The following SCAPER variants were observed in gnomAD, a reference collection of about 807,000 sequenced individuals.
The protein encoded by SCAPER is S phase cyclin A-associated protein in the endoplasmic reticulum.
In SCAPER, 98 loss-of-function variants were observed where a neutral mutation model predicts 182.2. That is an observed-to-expected ratio of 0.54 (90% confidence interval 0.46 to 0.64). The LOEUF (loss-of-function observed/expected upper bound fraction) is 0.64. SCAPER is among the 30% of genes least tolerant of loss of function. SCAPER has a pLI of 0.00. For missense variants in SCAPER, 1,432 were observed against 1,690.0 expected (o/e 0.85, Z 2.68); for synonymous variants, 605 against 564.6 (o/e 1.07, Z -1.01).
intron 1 of SCAPER, among the ~76,000 whole-genome samples, chr15:76,884,422 G>A (rs1478327809): frequency 2.6e-5 from 4 of 152,152 alleles, no homozygotes; most frequent in South Asian, 2.1e-4. Context: ...ACAACAGCCC[G>A]TACCTTTCAG....
intron 24 of SCAPER, among the ~76,000 whole-genome samples, chr15:76,491,173 T>C (rs2052264747): frequency 6.6e-6 from 1 of 152,224 alleles, no homozygotes; most frequent in African/African-American, 2.4e-5. Context: ...CATTGCTCTA[T>C]ATGCCTGTCT....
At chr15:76,743,351 G>T (rs1237856576) in intron 15 of SCAPER, among the ~76,000 whole-genome samples, 1 of 152,118 alleles carries the variant, frequency 6.6e-6, no homozygotes, top group Non-Finnish European at 1.5e-5. Flanking sequence ...TTTTAAAACA[G>T]TATTTACATT....
intron 1 of SCAPER, among the ~76,000 whole-genome samples, chr15:76,899,659 C>T (rs2074645687): frequency 6.6e-6 from 1 of 152,028 alleles, no homozygotes; most frequent in Admixed American, 6.6e-5. Context: ...TGCCTGGCCG[C>T]CCCGTCTGGA....
chr15:76,890,807 A>C (rs1289935701), intron 1 of SCAPER, among the ~76,000 whole-genome samples: 1 of 152,232 alleles, frequency 6.6e-6, no homozygotes, highest in Non-Finnish European at 1.5e-5. Context: ...AATCCTCCCT[A>C]ACTCATTTTA....
chr15:76,769,703 T>G (rs933223500), intron 10 of SCAPER, among the ~76,000 whole-genome samples: 1 of 152,148 alleles, frequency 6.6e-6, no homozygotes, highest in African/African-American at 2.4e-5. Context: ...AGGAATGCTT[T>G]TACACTGTTG....
At chr15:76,777,351 T>C (rs1024624327) in intron 8 of SCAPER, among the ~76,000 whole-genome samples, 1 of 152,134 alleles carries the variant, frequency 6.6e-6, no homozygotes, top group East Asian at 1.9e-4. Flanking sequence ...CTAGCAAAAC[T>C]ACCTTTAATA....
chr15:76,479,687 G>T (rs546450538), intron 24 of SCAPER, among the ~76,000 whole-genome samples: 1 of 152,276 alleles, frequency 6.6e-6, no homozygotes, highest in South Asian at 2.1e-4. Context: ...AAAAGCTCCA[G>T]GTGGTTGCCA....
intron 24 of SCAPER, 40 bp downstream of exon 24, chr15:76,504,819 C>T (rs1026430633): frequency 8.0e-6 from 12 of 1,504,150 alleles, no homozygotes; most frequent in African/African-American, 1.4e-5. Flanking sequence ...AAATGACTCA[C>T]AAATGAAACG....
intron 24 of SCAPER, among the ~76,000 whole-genome samples, chr15:76,497,999 A>AAAAT (rs1555457218): frequency 1.7e-5 from 2 of 116,748 alleles, no homozygotes; most frequent in Non-Finnish European, 3.5e-5. Context: ...CAAAAAAAAA[A>AAAAT]AAAAAAAAAA....
At chr15:76,381,747 A>G in intron 27 of SCAPER, 132 bp from the exon 28 acceptor site, 1 of 710,616 alleles carries the variant, frequency 1.4e-6, no homozygotes, top group Non-Finnish European at 2.3e-6. Flanking sequence ...GGTAACAAGA[A>G]ACTTCAAGGA....
At chr15:76,673,581 G>A (rs12915184) in intron 20 of SCAPER, among the ~76,000 whole-genome samples, 33,935 of 151,972 alleles carry the variant, frequency 0.22, 4,474 homozygotes, top group East Asian at 0.48. Flanking sequence ...AGAGATACAG[G>A]ATGCAATGCA....
At chr15:76,694,438 T>C (rs1311458567) in intron 20 of SCAPER, among the ~76,000 whole-genome samples, 1 of 152,134 alleles carries the variant, frequency 6.6e-6, no homozygotes, top group Non-Finnish European at 1.5e-5. Context: ...AATCACTACA[T>C]AGAGTATGCA....
At chr15:76,563,182 T>C (rs1389672598) in intron 23 of SCAPER, among the ~76,000 whole-genome samples, 2 of 152,190 alleles carry the variant, frequency 1.3e-5, no homozygotes, top group Admixed American at 1.3e-4. Context: ...ATGCTGACAA[T>C]GTCCTATTTC....
At chr15:76,545,508 C>T (rs1057498615) in intron 23 of SCAPER, among the ~76,000 whole-genome samples, 3 of 152,148 alleles carry the variant, frequency 2.0e-5, no homozygotes, top group Non-Finnish European at 2.9e-5. Context: ...ATCAATTCCA[C>T]CTCTGGCCAT....
chr15:76,559,555 T>C (rs534005373), intron 23 of SCAPER, among the ~76,000 whole-genome samples: 9 of 152,308 alleles, frequency 5.9e-5, no homozygotes, highest in East Asian at 3.9e-4. Context: ...CAGTTCTTTA[T>C]AGCAGTATGA....
chr15:76,387,500 T>A (rs2043365958), intron 27 of SCAPER, among the ~76,000 whole-genome samples: 1 of 152,144 alleles, frequency 6.6e-6, no homozygotes, highest in African/African-American at 2.4e-5. Flanking sequence ...CGGCTTGAGA[T>A]ATTTGGAAGC....
intron 4 of SCAPER, among the ~76,000 whole-genome samples, chr15:76,848,358 T>TCG (rs1309588758): frequency 1.4e-5 from 2 of 141,646 alleles, no homozygotes; most frequent in African/African-American, 5.4e-5. Flanking sequence ...ACACAGAGTC[T>TCG]CGCTCTGTCG....
At chr15:76,562,261 G>A (rs1456895416) in intron 23 of SCAPER, among the ~76,000 whole-genome samples, 2 of 150,582 alleles carry the variant, frequency 1.3e-5, no homozygotes, top group Admixed American at 6.6e-5. Flanking sequence ...TTTAAAAGAA[G>A]AGCAAAAACA....
chr15:76,567,367 C>T (rs930135046), intron 23 of SCAPER: 2 of 454,106 alleles, frequency 4.4e-6, no homozygotes, highest in African/African-American at 4.0e-5. Context: ...GTATATCTTG[C>T]CTGGTGGATA....
Sources: allele counts gnomAD v4.1 joint callset (sites outside exome capture counted in the v4.1 genomes callset), GRCh38; gene constraint gnomAD v4.1.1; transcripts MANE v1.5; gene names NCBI Gene and HGNC (gene_info 2026-07-23, HGNC 2026-07-21).